The following ANKRD36B variants were observed in gnomAD, a reference collection of about 807,000 sequenced individuals.
The protein encoded by ANKRD36B is ankyrin repeat domain-containing protein 36B.
ANKRD36B carries 37 observed loss-of-function variants against 135.7 expected under a neutral mutation model. The ratio of observed to expected loss-of-function variants is 0.27; its 90% CI spans 0.21 to 0.36. The LOEUF (loss-of-function observed/expected upper bound fraction) is 0.36, where lower values mean the gene tolerates loss of function less well. Among genes scored for constraint, ANKRD36B ranks in the 10% least tolerant of loss-of-function variants. The pLI, the probability that ANKRD36B is intolerant of heterozygous loss-of-function variation, is 1.00. For missense variants in ANKRD36B, 549 were observed against 1,037.1 expected, an observed-to-expected ratio of 0.53 and a Z score of 6.46; for synonymous variants, 179 against 348.1, an observed-to-expected ratio of 0.51 and a Z score of 5.41.
intron 16 of ANKRD36B, 112 bp downstream of exon 16, chr2:97,553,056 G>C (rs9679287): frequency 0.61 from 794,878 of 1,302,898 alleles, 255,256 homozygotes; most frequent in Non-Finnish European, 0.67. Flanking sequence ...TGCTGGATCA[G>C]AATGTGCAGC....
chr2:97,547,291 C>T (rs1371558589), intron 22 of ANKRD36B: 4 of 452,338 alleles, frequency 8.8e-6, no homozygotes, highest in South Asian at 4.9e-5. Context: ...GCCCCTTATG[C>T]CTTGAACTGC....
intron 22 of ANKRD36B, chr2:97,547,320 C>T (rs2104590540): frequency 1.8e-6 from 1 of 546,928 alleles, no homozygotes; most frequent in East Asian, 3.5e-5. Flanking sequence ...TTTCTTCTTC[C>T]CAATTTCAAT....
At chr2:97,549,672 A>T in intron 18 of ANKRD36B, 58 bp from the exon 19 acceptor site, 2 of 1,602,818 alleles carry the variant, frequency 1.2e-6, no homozygotes, top group Non-Finnish European at 8.5e-7. Context: ...AGATATCCAC[A>T]CATTCATGCA....
At chr2:97,563,010 CAGTACTG>C (rs1290001609) in intron 6 of ANKRD36B, among the ~76,000 whole-genome samples, 1 of 151,966 alleles carries the variant, frequency 6.6e-6, no homozygotes, top group Non-Finnish European at 1.5e-5. Context: ...CTCCAGCAGA[CAGTACTG>C]AGCAATAAAC....
At chr2:97,578,565 C>T (rs915052836) in intron 5 of ANKRD36B, among the ~76,000 whole-genome samples, 11 of 151,952 alleles carry the variant, frequency 7.2e-5, no homozygotes, top group African/African-American at 2.7e-4. Context: ...CATTTTGAGA[C>T]CCAAATAACT....
At chr2:97,561,348 A>C (rs558360512) in intron 6 of ANKRD36B, among the ~76,000 whole-genome samples, 3 of 152,020 alleles carry the variant, frequency 2.0e-5, no homozygotes, top group African/African-American at 7.2e-5. Flanking sequence ...ATGACACTTT[A>C]GTTGAAATCT....
chr2:97,576,004 T>C (rs1309415400), intron 6 of ANKRD36B, among the ~76,000 whole-genome samples: 2 of 150,848 alleles, frequency 1.3e-5, no homozygotes, highest in African/African-American at 2.4e-5. Flanking sequence ...TATTGATTCA[T>C]TTAGTAATTG....
chr2:97,581,792 C>CATTTATTTATTTATTTATTT (rs747453435), intron 3 of ANKRD36B, among the ~76,000 whole-genome samples: 2 of 151,882 alleles, frequency 1.3e-5, no homozygotes, highest in African/African-American at 4.8e-5. Context: ...TTATTTGCAT[C>CATTTATTTATTTATTTATTT]ATTTATTTAT....
chr2:97,525,434 A>G (rs6719995), intron 35 of ANKRD36B, among the ~76,000 whole-genome samples: 42,043 of 95,712 alleles, frequency 0.44, 18,742 homozygotes, highest in African/African-American at 0.87. Flanking sequence ...CAAGATGGCC[A>G]AATAGGAACA....
intron 20 of ANKRD36B, among the ~76,000 whole-genome samples, chr2:97,548,206 T>C (rs1232462937): frequency 6.6e-6 from 1 of 151,832 alleles, no homozygotes; most frequent in Non-Finnish European, 1.5e-5. Context: ...CAATGATACT[T>C]CAGTTAAACT....
At position 97,525,403 on chromosome 2, in the gene ANKRD36B, G is replaced by A. The variant is rs1288346746; in HGVS notation, c.2266-1936C>T. Among the ~76,000 whole-genome samples the A allele has an allele frequency of 2.1e-5, 2 of 96,444 alleles. 1 individual carries two copies. Among genetic ancestry groups the A allele is most frequent in the Non-Finnish European group, 5.5e-5 (2 of 36,104 alleles). 63.3% of individuals were successfully genotyped at this position (96,444 alleles called of 152,430 possible). A position where few individuals can be genotyped will look rare whatever the true frequency, so the allele number is the denominator to read the frequency against. ...AAATCACCACCAGTCAGTAAGAAAA[G>A]CAAATTCTTTGTCTGGCAGCCAAGA... On this transcript the variant is annotated intron_variant, in intron 35 of 43. Transcript: ENST00000359901.
At position 97,547,728 on chromosome 2, in the gene ANKRD36B, G is replaced by C. The variant is rs1281349245; in HGVS notation, c.1481C>G (p.Ser494Cys). The C allele has an allele frequency of 1.9e-6, 3 of 1,558,016 alleles. No individual in the cohort carries two copies. The highest frequency in any genetic ancestry group is 4.7e-5 in the East Asian group (2 of 42,176). Reference sequence around the variant, plus strand: ...CTTCAAGCCTGGTGGTTGCTCAAAAGACACTGAAAAGTAAAAGGGATTCAT... The same window carrying C: ...CTTCAAGCCTGGTGGTTGCTCAAAACACACTGAAAAGTAAAAGGGATTCAT... ...KKDGEKSRTV[S>C]FEQPPGLKAT... is the part of the protein sequence containing the mutation. The change falls in exon 21 of 44, where the codon TCT becomes TGT. Residue 494 changes from serine to cysteine, a missense_variant. Physicochemically the swap from Ser to Cys is moderately radical, Grantham distance 112. Transcript: ENST00000359901.
At chr2:97,551,704 T>A (rs1488130167) in intron 16 of ANKRD36B, among the ~76,000 whole-genome samples, 1 of 151,972 alleles carries the variant, frequency 6.6e-6, no homozygotes, top group Non-Finnish European at 1.5e-5. Context: ...ATGGTATGAT[T>A]TCTCATACGT....
intron 6 of ANKRD36B, among the ~76,000 whole-genome samples, chr2:97,575,824 G>A (rs984618283): frequency 6.6e-6 from 1 of 151,792 alleles, no homozygotes; most frequent in East Asian, 1.9e-4. Flanking sequence ...TTCAAGCATC[G>A]AACTACAAGG....
chr2:97,576,199 G>C (rs184430175), intron 6 of ANKRD36B, among the ~76,000 whole-genome samples, 180 bp downstream of exon 6: 48 of 150,606 alleles, frequency 3.2e-4, no homozygotes, highest in South Asian at 4.2e-4. Flanking sequence ...ACAATACTGA[G>C]ATTATAAATT....
intron 14 of ANKRD36B, among the ~76,000 whole-genome samples, chr2:97,554,374 T>C (rs1454481034): frequency 1.3e-5 from 2 of 151,780 alleles, no homozygotes; most frequent in African/African-American, 4.8e-5. Context: ...ACAAAAGATA[T>C]ATATCTTATG....
chr2:97,502,167 GAATT>G (rs2077350113), intron 43 of ANKRD36B, among the ~76,000 whole-genome samples: 1 of 39,138 alleles, frequency 2.6e-5, no homozygotes, highest in African/African-American at 5.7e-5. Context: ...TGGATGGGAT[GAATT>G]AATATTGTGA....
At chr2:97,553,606 C>A (rs561981729) in intron 14 of ANKRD36B, among the ~76,000 whole-genome samples, 1 of 151,912 alleles carries the variant, frequency 6.6e-6, no homozygotes, top group South Asian at 2.1e-4. Context: ...TCTCGTATAT[C>A]TAAAAGAAAA....
intron 22 of ANKRD36B, among the ~76,000 whole-genome samples, chr2:97,546,510 T>A (rs953460333): frequency 6.6e-6 from 1 of 151,742 alleles, no homozygotes; most frequent in Non-Finnish European, 1.5e-5. Context: ...AATTTCTTCA[T>A]CCACTCTTGG....
Sources: gnomAD v4.1 joint callset for allele counts (sites outside exome capture counted in the v4.1 genomes callset) on GRCh38, gnomAD v4.1.1 for gene constraint, MANE v1.5 for transcripts, NCBI Gene and HGNC (gene_info 2026-07-23, HGNC 2026-07-21) for gene names.